Variants in CCDC91 observed in about 807,000 individuals in gnomAD.
CCDC91 encodes coiled-coil domain containing 91.
CCDC91 carries 48 observed loss-of-function variants against 63.2 expected under a neutral mutation model. That is an observed-to-expected ratio of 0.76 (90% confidence interval 0.60 to 0.97). The LOEUF is 0.97. Among genes scored for constraint, CCDC91 ranks in the 50% least tolerant of loss-of-function variants. The pLI is 0.00. For missense variants in CCDC91, 500 were observed against 494.6 expected (o/e 1.01, Z -0.10); for synonymous variants, 167 against 165.8 (o/e 1.01, Z -0.06).
chr12:28,254,213 C>T (rs1245244291), intron 1 of CCDC91, among the ~76,000 whole-genome samples: 2 of 152,016 alleles, frequency 1.3e-5, no homozygotes, highest in African/African-American at 4.8e-5. Flanking sequence ...AATTGTTAGA[C>T]CTTGATATTG....
intron 8 of CCDC91, among the ~76,000 whole-genome samples, chr12:28,432,687 G>C (rs1592658245): frequency 2.6e-5 from 4 of 152,228 alleles, no homozygotes; most frequent in Admixed American, 1.3e-4. Flanking sequence ...AAACATCCAT[G>C]TGCATGTTTT....
chr12:28,453,483 G>T (rs959034440), intron 11 of CCDC91, among the ~76,000 whole-genome samples: 5 of 151,780 alleles, frequency 3.3e-5, no homozygotes, highest in African/African-American at 1.2e-4. Context: ...TAATGAAGCC[G>T]TAAAAAGCTC....
intron 8 of CCDC91, among the ~76,000 whole-genome samples, chr12:28,439,722 CTTTCT>C (rs1213231105): frequency 2.9e-5 from 4 of 139,962 alleles, no homozygotes; most frequent in Admixed American, 7.2e-5. Context: ...TTTTTTTTTT[CTTTCT>C]TTTTTCTTTT....
In CCDC91 at chr12:28,549,185, C is replaced by G; in HGVS notation, c.*12C>G. 1 of 1,376,656 alleles carries G rather than the reference C, an allele frequency of 7.3e-7. No homozygotes were observed. The highest frequency in any genetic ancestry group is 1.0e-6 in the Non-Finnish European group (1 of 964,520). The allele number at this position is 1,376,656 out of a possible 1,614,324, so 85.3% of individuals were successfully genotyped here. A position where few individuals can be genotyped will look rare whatever the true frequency, so the allele number is the denominator to read the frequency against. On this transcript the variant is annotated 3_prime_UTR_variant, in exon 13 of 13. Coordinates refer to ENST00000536442, the MANE Select transcript of CCDC91 (RefSeq NM_018318.5). The stretch of plus-strand genomic sequence containing the variant: ...TTGACATTGAATAAAAAGAACATGA[C>G]AAACCCACACTGGCATTGGATAAAT...
intron 1 of CCDC91, among the ~76,000 whole-genome samples, chr12:28,214,872 A>ATGTG (rs1213143844): frequency 6.6e-6 from 1 of 152,154 alleles, no homozygotes; most frequent in Admixed American, 6.5e-5. Context: ...GGAGGTGCAG[A>ATGTG]TGTGTGCCAA....
chr12:28,281,240 G>T (rs1948593297), intron 3 of CCDC91, among the ~76,000 whole-genome samples: 1 of 152,132 alleles, frequency 6.6e-6, no homozygotes, highest in South Asian at 2.1e-4. Context: ...ATCAGTCATG[G>T]TTCAACCAGA....
At chr12:28,364,205 G>A (rs1944117608) in intron 7 of CCDC91, among the ~76,000 whole-genome samples, 1 of 152,064 alleles carries the variant, frequency 6.6e-6, no homozygotes, top group African/African-American at 2.4e-5. Context: ...GGCCAACATG[G>A]TGAAAACCCG....
intron 1 of CCDC91, chr12:28,256,101 T>C (rs1946422846): frequency 6.6e-6 from 1 of 152,178 alleles, no homozygotes; most frequent in Non-Finnish European, 1.5e-5. Context: ...AAAGTTTTCT[T>C]TTTAATTTAA....
chr12:28,191,268 T>G (rs1941216496), intron 1 of CCDC91: 1 of 152,288 alleles, frequency 6.6e-6, no homozygotes, highest in Non-Finnish European at 1.5e-5. Context: ...GCTTTGGACA[T>G]GAAACCTATT....
At chr12:28,350,176 A>G (rs538520714) in intron 6 of CCDC91, among the ~76,000 whole-genome samples, 2 of 152,312 alleles carry the variant, frequency 1.3e-5, no homozygotes, top group Admixed American at 6.5e-5. Context: ...ACAAAACAAA[A>G]CAGAAAACCT....
At chr12:28,490,719 T>G (rs907029803) in intron 12 of CCDC91, among the ~76,000 whole-genome samples, 1 of 151,936 alleles carries the variant, frequency 6.6e-6, no homozygotes, top group African/African-American at 2.4e-5. Context: ...TATTCACTAT[T>G]TCTCTATCTT....
At chr12:28,493,548 C>G (rs551726772) in intron 12 of CCDC91, among the ~76,000 whole-genome samples, 138 of 151,608 alleles carry the variant, frequency 9.1e-4, no homozygotes, top group Non-Finnish European at 6.9e-4. Flanking sequence ...ACAGAACTTA[C>G]ATGCATGGAA....
At chr12:28,382,326 A>G (rs1349671533) in intron 7 of CCDC91, among the ~76,000 whole-genome samples, 1 of 151,778 alleles carries the variant, frequency 6.6e-6, no homozygotes, top group Non-Finnish European at 1.5e-5. Flanking sequence ...TATTTTAATC[A>G]TCATAAACCT....
intron 8 of CCDC91, among the ~76,000 whole-genome samples, chr12:28,396,202 A>C (rs1466578160): frequency 6.6e-6 from 1 of 152,218 alleles, no homozygotes; most frequent in Admixed American, 6.5e-5. Flanking sequence ...TTAGCATGAA[A>C]GAGGCAGATG....
At chr12:28,361,531 A>G (rs963657617) in intron 6 of CCDC91, among the ~76,000 whole-genome samples, 2 of 151,978 alleles carry the variant, frequency 1.3e-5, no homozygotes, top group Non-Finnish European at 2.9e-5. Context: ...AAGATTTTTA[A>G]AAATATTTTC....
At chr12:28,245,705 TAATCATA>T (rs1945688569) in intron 1 of CCDC91, among the ~76,000 whole-genome samples, 2 of 152,160 alleles carry the variant, frequency 1.3e-5, no homozygotes, top group Non-Finnish European at 2.9e-5. Flanking sequence ...ATATCATTGA[TAATCATA>T]TGAAGAAATT....
At chr12:28,450,937 T>C (rs1437671311) in intron 10 of CCDC91, among the ~76,000 whole-genome samples, 1 of 151,760 alleles carries the variant, frequency 6.6e-6, no homozygotes, top group African/African-American at 2.4e-5. Context: ...GTGACTATGA[T>C]TTTGTCTTTT....
At chr12:28,538,354 C>G (rs1278886501) in intron 12 of CCDC91, among the ~76,000 whole-genome samples, 4 of 149,064 alleles carry the variant, frequency 2.7e-5, no homozygotes, top group Non-Finnish European at 5.9e-5. Flanking sequence ...AGAACATGCG[C>G]TGTTTGGTTT....
At chr12:28,212,039 C>T (rs1943267884) in intron 1 of CCDC91, among the ~76,000 whole-genome samples, 1 of 152,068 alleles carries the variant, frequency 6.6e-6, no homozygotes, top group Admixed American at 6.5e-5. Context: ...ACTCAGAGAG[C>T]TCAAAACACA....
Sources: gnomAD v4.1 joint callset for allele counts (sites outside exome capture counted in the v4.1 genomes callset) on GRCh38, gnomAD v4.1.1 for gene constraint, MANE v1.5 for transcripts, NCBI Gene and HGNC (gene_info 2026-07-23, HGNC 2026-07-21) for gene names.